LTAP1: variants seen among roughly 807,000 people sequenced by gnomAD.
LTAP1 encodes lipid transport auxiliary protein 1.
the LTAP1 span, chr1:154,220,293 C>T: frequency 1.2e-6 from 2 of 1,606,540 alleles, no homozygotes; most frequent in African/African-American, 2.7e-5. Flanking sequence ...AGGAGGGTCT[C>T]TACTGGGTAA....
At chr1:154,213,620 A>G in the LTAP1 span, among the ~76,000 whole-genome samples, 2 of 152,248 alleles carry the variant, frequency 1.3e-5, no homozygotes, top group Non-Finnish European at 2.9e-5. Context: ...CCTTTGTGGA[A>G]AAACAAGCAA....
chr1:154,214,561 T>C, the LTAP1 span: 1 of 1,610,068 alleles, frequency 6.2e-7, no homozygotes, highest in Non-Finnish European at 8.5e-7. Context: ...AATATCAATC[T>C]CCTCTTTCAA....
At chr1:154,209,681 G>A in the LTAP1 span, among the ~76,000 whole-genome samples, 1 of 151,820 alleles carries the variant, frequency 6.6e-6, no homozygotes, top group Non-Finnish European at 1.5e-5. Flanking sequence ...CCGCCTCCTG[G>A]GTTCATGCCA....
chr1:154,208,054 C>T, the LTAP1 span, among the ~76,000 whole-genome samples: 6 of 151,350 alleles, frequency 4.0e-5, no homozygotes, highest in South Asian at 2.1e-4. Context: ...GCCAAGATTG[C>T]GCCACTGCAC....
chr1:154,219,467 G>C, the LTAP1 span, among the ~76,000 whole-genome samples: 1 of 152,148 alleles, frequency 6.6e-6, no homozygotes, highest in African/African-American at 2.4e-5. Flanking sequence ...ATTATGTAAA[G>C]GTAACCCTTC....
chr1:154,220,229 G>C, the LTAP1 span: 1 of 1,325,554 alleles, frequency 7.5e-7, no homozygotes, highest in Non-Finnish European at 1.1e-6. Flanking sequence ...AGGAGTCAAA[G>C]CCCGGATAGG....
At chr1:154,207,593 G>C in the LTAP1 span, 1 of 1,613,654 alleles carries the variant, frequency 6.2e-7, no homozygotes, top group Non-Finnish European at 8.5e-7. Context: ...GACTGAGTTA[G>C]GTCTTTGGCT....
At chr1:154,212,516 C>T in the LTAP1 span, 18 of 1,614,036 alleles carry the variant, frequency 1.1e-5, no homozygotes, top group East Asian at 2.2e-5. Flanking sequence ...GAGTGCTTTG[C>T]GTACACCCTT....
the LTAP1 span, chr1:154,213,956 A>T: frequency 6.2e-7 from 1 of 1,611,542 alleles, no homozygotes; most frequent in Non-Finnish European, 8.5e-7. Context: ...CCTGTTGAGG[A>T]AAAGACTGGT....
chr1:154,213,814 C>G, the LTAP1 span: 9 of 1,161,198 alleles, frequency 7.8e-6, no homozygotes, highest in South Asian at 1.2e-4. Context: ...CAAATCCTAA[C>G]ATACAAAGTG....
chr1:154,219,548 A>C, the LTAP1 span, among the ~76,000 whole-genome samples: 2 of 152,236 alleles, frequency 1.3e-5, no homozygotes, highest in African/African-American at 4.8e-5. Flanking sequence ...GGGTAGTTTA[A>C]GATGAGCTGG....
the LTAP1 span, among the ~76,000 whole-genome samples, chr1:154,209,974 T>C: frequency 6.6e-6 from 1 of 151,710 alleles, no homozygotes; most frequent in Non-Finnish European, 1.5e-5. Context: ...AATCCACCCA[T>C]CTCAGCCTCC....
the LTAP1 span, chr1:154,207,406 C>T: frequency 3.8e-6 from 6 of 1,594,554 alleles, no homozygotes; most frequent in Admixed American, 1.7e-5. Flanking sequence ...CTGTCTTGCA[C>T]ATTGCAACTG....
At chr1:154,218,412 T>C in the LTAP1 span, among the ~76,000 whole-genome samples, 7 of 152,246 alleles carry the variant, frequency 4.6e-5, no homozygotes, top group African/African-American at 9.6e-5. Context: ...AAAGTATTGA[T>C]TGGTTCATGA....
At chr1:154,209,097 A>G in the LTAP1 span, among the ~76,000 whole-genome samples, 1 of 152,126 alleles carries the variant, frequency 6.6e-6, no homozygotes, top group Non-Finnish European at 1.5e-5. Flanking sequence ...GTAACATAAA[A>G]TTTACCATCT....
chr1:154,214,340 A>G, the LTAP1 span: 163 of 722,914 alleles, frequency 2.3e-4, no homozygotes, highest in Non-Finnish European at 3.6e-4. Context: ...CATCTAACAT[A>G]TATCCAATAA....
At chr1:154,207,282 T>TCTAA in the LTAP1 span, 1 of 608,552 alleles carries the variant, frequency 1.6e-6, no homozygotes, top group Non-Finnish European at 2.9e-6. Flanking sequence ...AAGGAAGGGT[T>TCTAA]GGGGAATTAC....
chr1:154,212,015 C>G, the LTAP1 span: 1 of 302,882 alleles, frequency 3.3e-6, no homozygotes, highest in East Asian at 7.6e-5. Flanking sequence ...CGCCACCACG[C>G]CCGGCTAATT....
chr1:154,214,504 G>C, the LTAP1 span: 4 of 1,613,994 alleles, frequency 2.5e-6, no homozygotes, highest in Non-Finnish European at 3.4e-6. Flanking sequence ...ATCATCATCT[G>C]CAAGGAGCTG....
Sources: allele counts gnomAD v4.1 joint callset (sites outside exome capture counted in the v4.1 genomes callset), GRCh38; gene constraint gnomAD v4.1.1; transcripts MANE v1.5; gene names NCBI Gene and HGNC (gene_info 2026-07-23, HGNC 2026-07-21).